SLC35F4: variants seen among roughly 807,000 people sequenced by gnomAD.
SLC35F4 encodes chromosome 14 open reading frame 36.
SLC35F4 carries 24 observed loss-of-function variants against 44.2 expected under a neutral mutation model. That is an observed-to-expected ratio of 0.54 (90% CI 0.39 to 0.76). The LOEUF (loss-of-function observed/expected upper bound fraction) is 0.76. SLC35F4 is among the 30% of genes least tolerant of loss of function. The pLI, the probability that SLC35F4 is intolerant of heterozygous loss-of-function variation, is 0.00. For synonymous variants in SLC35F4, 238 were observed against 223.6 expected (o/e 1.06, Z -0.57); for missense variants, 562 against 586.1 (o/e 0.96, Z 0.42).
intron 1 of SLC35F4, among the ~76,000 whole-genome samples, chr14:57,920,313 G>C (rs1038778581): frequency 6.6e-6 from 1 of 152,160 alleles, no homozygotes; most frequent in Non-Finnish European, 1.5e-5. Context: ...AGTGGCTCAA[G>C]CTTGTAATCC....
chr14:57,947,644 G>A (rs945416473), intron 1 of SLC35F4, among the ~76,000 whole-genome samples: 3 of 152,032 alleles, frequency 2.0e-5, no homozygotes, highest in African/African-American at 7.2e-5. Flanking sequence ...CTCATTCGGT[G>A]TTATGTTGGC....
intron 4 of SLC35F4, among the ~76,000 whole-genome samples, chr14:57,580,041 G>A (rs1247535219): frequency 6.6e-6 from 1 of 152,168 alleles, no homozygotes; most frequent in Admixed American, 6.5e-5. Context: ...TCTAAGATAA[G>A]CCAGTAAAGA....
At chr14:57,881,549 T>A (rs1185247268) in intron 1 of SLC35F4, among the ~76,000 whole-genome samples, 1 of 152,142 alleles carries the variant, frequency 6.6e-6, no homozygotes, top group Non-Finnish European at 1.5e-5. Context: ...ATGGGCATAA[T>A]AACATTTATC....
In SLC35F4 at chr14:57,578,009, G is replaced by T. The variant is rs551983679; in HGVS notation, c.807+3205C>A. ...AGTGTTCAAAAGAAACAAAATATTA[G>T]CAAGTTATTCATAATACATAATTCA... is the stretch of plus-strand genomic sequence containing the variant. On this transcript the variant is annotated intron_variant, in intron 4 of 7. Transcript: ENST00000556826. Among the ~76,000 whole-genome samples the T allele has an allele frequency of 6.6e-5, 10 of 152,132 alleles. No individual in the cohort carries two copies. In the South Asian group the frequency reaches 2.1e-3, roughly 32 times the overall value.
At chr14:57,865,501 G>C (rs866940719) in intron 1 of SLC35F4, among the ~76,000 whole-genome samples, 4 of 152,190 alleles carry the variant, frequency 2.6e-5, no homozygotes, top group Non-Finnish European at 5.9e-5. Context: ...CAAACTCCTG[G>C]GCGCACCCAG....
At chr14:57,711,158 TAGTG>T (rs1204806519) in intron 1 of SLC35F4, among the ~76,000 whole-genome samples, 12 of 152,132 alleles carry the variant, frequency 7.9e-5, no homozygotes, top group African/African-American at 2.4e-4. Context: ...GTTCTCATGA[TAGTG>T]AGTGAGTTCT....
At chr14:57,927,601 C>G (rs185983176) in intron 1 of SLC35F4, among the ~76,000 whole-genome samples, 3 of 152,002 alleles carry the variant, frequency 2.0e-5, no homozygotes, top group African/African-American at 4.8e-5. Context: ...AATAATTCTC[C>G]TGCCTCAGCC....
intron 1 of SLC35F4, among the ~76,000 whole-genome samples, chr14:57,887,575 A>T (rs1202970665): frequency 6.6e-6 from 1 of 152,202 alleles, no homozygotes; most frequent in Non-Finnish European, 1.5e-5. Flanking sequence ...CAGAGGTGTC[A>T]CTTTGAAGGA....
intron 1 of SLC35F4, among the ~76,000 whole-genome samples, chr14:57,705,613 A>G (rs1214082596): frequency 6.6e-6 from 1 of 152,096 alleles, no homozygotes; most frequent in African/African-American, 2.4e-5. Flanking sequence ...CCCCACTTCC[A>G]TGACCCCAGC....
Position 57,830,326 on chromosome 14 carries a change from C to T in SLC35F4, c.103+35397G>A, listed in dbSNP as rs549408900. 1.7e-3 allele frequency among the ~76,000 whole-genome samples: 257 copies of T among 152,252 alleles called. 2 individuals carry two copies. The highest frequency in any genetic ancestry group is 5.6e-3 in the African/African-American group (234 of 41,542). ...GGTGTAATGCCACCTCATTGAGTCA[C>T]TGTGAGGATTAAATGAAATAATGTA... On this transcript the variant is annotated intron_variant, in intron 1 of 7. Transcript: ENST00000556826.
At chr14:57,689,254 G>A (rs62005177) in intron 1 of SLC35F4, among the ~76,000 whole-genome samples, 74 of 151,900 alleles carry the variant, frequency 4.9e-4, no homozygotes, top group African/African-American at 1.6e-3. Flanking sequence ...CCCTCAACTC[G>A]TCTCTGTCTT....
At chr14:57,611,800 C>T (rs2140049090) in intron 1 of SLC35F4, among the ~76,000 whole-genome samples, 1 of 152,166 alleles carries the variant, frequency 6.6e-6, no homozygotes, top group East Asian at 1.9e-4. Flanking sequence ...TAGATAACAT[C>T]AAAGTCGAGT....
chr14:57,916,539 T>G (rs1485359557), intron 1 of SLC35F4, among the ~76,000 whole-genome samples: 1 of 152,174 alleles, frequency 6.6e-6, no homozygotes, highest in Non-Finnish European at 1.5e-5. Flanking sequence ...TGGGGGGAAA[T>G]TCTTAGTCAT....
At chr14:57,733,852 T>C (rs922569872) in intron 1 of SLC35F4, among the ~76,000 whole-genome samples, 1 of 152,160 alleles carries the variant, frequency 6.6e-6, no homozygotes, top group African/African-American at 2.4e-5. Context: ...GCCATTTAGT[T>C]TCCAAAAGAA....
At chr14:57,870,124 C>CTGTGTGTGTGTGTGTGTG (rs34282878), upstream of SLC35F4, among the ~76,000 whole-genome samples, 3 of 146,080 alleles carry the variant, frequency 2.1e-5, no homozygotes, top group East Asian at 4.0e-4. Flanking sequence ...TGTCTATGAT[C>CTGTGTGTGTGTGTGTGTG]TGTGTGTGTG....
At chr14:57,726,354 A>G (rs929776345) in intron 1 of SLC35F4, among the ~76,000 whole-genome samples, 2 of 152,178 alleles carry the variant, frequency 1.3e-5, no homozygotes, top group African/African-American at 4.8e-5. Flanking sequence ...GGGAATACAG[A>G]ATGGGTAGTA....
At chr14:57,751,641 T>C (rs946569096) in intron 1 of SLC35F4, among the ~76,000 whole-genome samples, 2 of 152,196 alleles carry the variant, frequency 1.3e-5, no homozygotes, top group African/African-American at 4.8e-5. Flanking sequence ...TAAGGCTCCT[T>C]ATAGTTTGAA....
In SLC35F4 at chr14:57,866,001, G is replaced by A; in HGVS notation, c.-176C>T. ...GGCTCCGCATCACAGCGGCGGCGGC[G>A]GCGGCGGCGGCGGAGCGGCCCCCAC... is the stretch of plus-strand genomic sequence containing the variant. On this transcript the variant is annotated 5_prime_UTR_variant, in exon 1 of 8. Coordinates refer to ENST00000556826, the MANE Select transcript of SLC35F4 (RefSeq NM_001306087.2). 2 of 358,388 alleles carry A rather than the reference G, an allele frequency of 5.6e-6. No homozygotes were observed. Among genetic ancestry groups the A allele is most frequent in the East Asian group, 5.0e-5 (1 of 20,032 alleles). 22.2% of individuals were successfully genotyped at this position (358,388 alleles called of 1,614,324 possible). A position where few individuals can be genotyped will look rare whatever the true frequency, so the allele number is the denominator to read the frequency against.
chr14:57,719,110 TG>T (rs1487318986), intron 1 of SLC35F4, among the ~76,000 whole-genome samples: 4 of 152,208 alleles, frequency 2.6e-5, no homozygotes, highest in African/African-American at 7.2e-5. Context: ...CCCCAGTGTA[TG>T]TTCTTGGCAC....
Sources: gnomAD v4.1 joint callset for allele counts (sites outside exome capture counted in the v4.1 genomes callset) on GRCh38, gnomAD v4.1.1 for gene constraint, MANE v1.5 for transcripts, NCBI Gene and HGNC (gene_info 2026-07-23, HGNC 2026-07-21) for gene names.